MED27: variants seen among roughly 807,000 people sequenced by gnomAD.
MED27 encodes mediator complex subunit 27.
Under a neutral mutation model 38.2 loss-of-function variants are expected in MED27, and 30 were observed. The ratio of observed to expected loss-of-function variants is 0.79; its 90% CI spans 0.59 to 1.07. The LOEUF (loss-of-function observed/expected upper bound fraction) is 1.07, where lower values mean the gene tolerates loss of function less well. MED27 is among the 50% of genes least tolerant of loss of function. The pLI, the probability that MED27 is intolerant of heterozygous loss-of-function variation, is 0.00. For synonymous variants in MED27, 122 were observed against 153.5 expected (o/e 0.79, Z 1.52); for missense variants, 289 against 397.5 (o/e 0.73, Z 2.32).
chr9:131,981,347 C>T (rs750258948), intron 3 of MED27, among the ~76,000 whole-genome samples: 25 of 152,112 alleles, frequency 1.6e-4, no homozygotes, highest in Non-Finnish European at 3.4e-4. Context: ...TGGCGTAAGA[C>T]ATGTGTAAAG....
At chr9:131,875,327 A>G (rs1838911828) in intron 6 of MED27, among the ~76,000 whole-genome samples, 1 of 152,196 alleles carries the variant, frequency 6.6e-6, no homozygotes, top group Admixed American at 6.5e-5. Flanking sequence ...ATGAGAAGGC[A>G]GACAATGCTT....
chr9:131,876,944 C>T (rs927404420), intron 6 of MED27, among the ~76,000 whole-genome samples: 3 of 152,186 alleles, frequency 2.0e-5, no homozygotes, highest in African/African-American at 7.2e-5. Context: ...AAAATGACAC[C>T]ACATTCTGTC....
intron 4 of MED27, among the ~76,000 whole-genome samples, chr9:131,899,653 G>A (rs1307504407): frequency 6.6e-5 from 10 of 152,142 alleles, no homozygotes; most frequent in African/African-American, 1.7e-4. Flanking sequence ...CTTTCTCTTC[G>A]GAGTGTGGTG....
At chr9:131,976,809 C>G (rs1831616475) in intron 3 of MED27, among the ~76,000 whole-genome samples, 1 of 152,184 alleles carries the variant, frequency 6.6e-6, no homozygotes, top group African/African-American at 2.4e-5. Context: ...GTAAACTAAG[C>G]TGGTCCTGTC....
At chr9:131,863,679 T>C (rs928817580) in intron 6 of MED27, among the ~76,000 whole-genome samples, 2 of 147,848 alleles carry the variant, frequency 1.4e-5, no homozygotes, top group African/African-American at 2.7e-5. Flanking sequence ...ACAGGATTTA[T>C]GATGGGGAGC....
At chr9:132,014,214 C>T in intron 3 of MED27, 123 bp downstream of exon 3, 2 of 1,130,820 alleles carry the variant, frequency 1.8e-6, no homozygotes, top group Non-Finnish European at 2.5e-6. Context: ...AAGACTCCGT[C>T]TCAAAAAAAG....
In MED27 at chr9:131,878,538, G is replaced by T. The variant is rs532375204; in HGVS notation, c.723+5520C>A. On this transcript the variant is annotated intron_variant, in intron 6 of 7. Coordinates refer to ENST00000292035, the MANE Select transcript of MED27 (RefSeq NM_004269.4). ...ACCTCTGATGAGAAAGCTGCAAAGTGTGTGTGGGTCCCTCTTGGCCTCTCT... is the reference window on the plus strand; with the variant it reads ...ACCTCTGATGAGAAAGCTGCAAAGTTTGTGTGGGTCCCTCTTGGCCTCTCT... Among the ~76,000 whole-genome samples, 539 of 152,180 alleles carry T rather than the reference G, an allele frequency of 3.5e-3. 4 individuals carry two copies. Among genetic ancestry groups the T allele is most frequent in the Non-Finnish European group, 4.9e-3 (333 of 68,012 alleles).
chr9:131,875,328 G>A (rs1277173769), intron 6 of MED27, among the ~76,000 whole-genome samples: 1 of 152,202 alleles, frequency 6.6e-6, no homozygotes, highest in Non-Finnish European at 1.5e-5. Context: ...TGAGAAGGCA[G>A]ACAATGCTTT....
chr9:131,928,788 C>A (rs1830527138), intron 4 of MED27, among the ~76,000 whole-genome samples: 1 of 152,244 alleles, frequency 6.6e-6, no homozygotes, highest in South Asian at 2.1e-4. Flanking sequence ...GAAAGGCAGT[C>A]TAGACCACAA....
intron 3 of MED27, among the ~76,000 whole-genome samples, chr9:131,979,657 C>G (rs1831689025): frequency 6.6e-6 from 1 of 152,172 alleles, no homozygotes; most frequent in Admixed American, 6.5e-5. Context: ...AGGAATCACT[C>G]TTAATTAAAC....
chr9:132,033,906 CTTTAAAAATT>C (rs1335563181), intron 2 of MED27, among the ~76,000 whole-genome samples: 1 of 152,184 alleles, frequency 6.6e-6, no homozygotes, highest in East Asian at 1.9e-4. Context: ...GTATTCCCTT[CTTTAAAAATT>C]TTATAGTATC....
chr9:131,942,843 G>A (rs756288300), intron 3 of MED27, among the ~76,000 whole-genome samples: 4 of 152,140 alleles, frequency 2.6e-5, no homozygotes, highest in Non-Finnish European at 4.4e-5. Flanking sequence ...CTTTTAGTAA[G>A]GGCCAGAGTT....
chr9:132,046,519 A>G (rs1833341820), intron 2 of MED27, among the ~76,000 whole-genome samples: 1 of 152,216 alleles, frequency 6.6e-6, no homozygotes, highest in African/African-American at 2.4e-5. Flanking sequence ...ATGCAGCTAT[A>G]AAAGCTGAAC....
intron 4 of MED27, among the ~76,000 whole-genome samples, chr9:131,912,282 G>A (rs1049595147): frequency 2.6e-5 from 4 of 152,176 alleles, no homozygotes; most frequent in African/African-American, 9.7e-5. Context: ...CTGCAACTAA[G>A]GAAAGTGCTT....
chr9:131,899,658 G>A (rs1397208659), intron 4 of MED27, among the ~76,000 whole-genome samples: 1 of 152,200 alleles, frequency 6.6e-6, no homozygotes, highest in African/African-American at 2.4e-5. Context: ...TCTTCGGAGT[G>A]TGGTGCAGCA....
intron 3 of MED27, among the ~76,000 whole-genome samples, chr9:131,948,359 C>T (rs1288500043): frequency 1.3e-4 from 20 of 151,814 alleles, no homozygotes; most frequent in Non-Finnish European, 2.6e-4. Context: ...TGGTGGCATG[C>T]GCCTGTAATC....
intron 5 of MED27, among the ~76,000 whole-genome samples, chr9:131,892,863 T>C (rs1321644802): frequency 6.6e-6 from 1 of 152,200 alleles, no homozygotes; most frequent in African/African-American, 2.4e-5. Context: ...CTCCCCTCAA[T>C]GAATGATTTG....
chr9:131,975,610 TGG>T (rs1273206614), intron 3 of MED27, among the ~76,000 whole-genome samples: 1 of 152,200 alleles, frequency 6.6e-6, no homozygotes, highest in Admixed American at 6.5e-5. Context: ...CCATTAGCGC[TGG>T]GGGAGCAAAG....
intron 4 of MED27, among the ~76,000 whole-genome samples, chr9:131,902,254 T>C (rs1242904791): frequency 6.6e-6 from 1 of 152,158 alleles, no homozygotes; most frequent in East Asian, 1.9e-4. Flanking sequence ...GCACAGCTGC[T>C]AGGTATGTGT....
Sources: allele counts gnomAD v4.1 joint callset (sites outside exome capture counted in the v4.1 genomes callset), GRCh38; gene constraint gnomAD v4.1.1; transcripts MANE v1.5; gene names NCBI Gene and HGNC (gene_info 2026-07-23, HGNC 2026-07-21).